GALNTL5: variants seen among roughly 807,000 people sequenced by gnomAD.
GALNTL5 encodes inactive polypeptide N-acetylgalactosaminyltransferase-like protein 5.
In GALNTL5, 44 loss-of-function variants were observed where a neutral mutation model predicts 51.0. The observed-to-expected ratio is 0.86, with a 90% CI of 0.68 to 1.11. GALNTL5 has a LOEUF of 1.11. Among genes scored for constraint, GALNTL5 ranks in the 50% least tolerant of loss-of-function variants. The probability of loss-of-function intolerance (pLI) is 0.00; values close to 1 mark genes in which losing one functional copy is unlikely to be tolerated. For missense variants in GALNTL5, 528 were observed against 531.8 expected (o/e 0.99, Z 0.07); for synonymous variants, 192 against 182.8 (o/e 1.05, Z -0.41).
intron 5 of GALNTL5, among the ~76,000 whole-genome samples, chr7:151,997,381 C>T (rs996256856): frequency 9.2e-5 from 14 of 152,188 alleles, no homozygotes; most frequent in African/African-American, 3.4e-4. Flanking sequence ...CCGTCCTTTC[C>T]TAGCACCAAA....
intron 8 of GALNTL5, among the ~76,000 whole-genome samples, chr7:152,017,642 G>C (rs2081836242): frequency 1.3e-5 from 2 of 152,090 alleles, no homozygotes; most frequent in South Asian, 4.2e-4. Context: ...CGAAGGAAAA[G>C]GGCAATGATC....
chr7:151,995,348 A>ATTTTTTTTTTTTTTTTTT (rs71198750), intron 5 of GALNTL5: 2 of 71,096 alleles, frequency 2.8e-5, no homozygotes, highest in African/African-American at 9.7e-5. Context: ...GTTGGTATGA[A>ATTTTTTTTTTTTTTTTTT]TTTTTTTTTT....
At chr7:151,992,444 G>A (rs1293613585) in intron 5 of GALNTL5, among the ~76,000 whole-genome samples, 1 of 152,140 alleles carries the variant, frequency 6.6e-6, no homozygotes, top group African/African-American at 2.4e-5. Context: ...AGACCTGCAG[G>A]GGAGGCTCCT....
chr7:152,002,055 G>C (rs547573643), intron 5 of GALNTL5, among the ~76,000 whole-genome samples: 2 of 152,032 alleles, frequency 1.3e-5, no homozygotes, highest in African/African-American at 4.8e-5. Flanking sequence ...TGAGGTGGGC[G>C]GATCACCTGA....
rs17557077 is a variant in GALNTL5, at chr7:152,012,152, C to G, written c.1027-2492C>G. Reference sequence around the variant, plus strand: ...TACCTCTGCATGCATGATGTGTGCTCACGATCCATTGGCCAAATGTGTCAA... The same window carrying G: ...TACCTCTGCATGCATGATGTGTGCTGACGATCCATTGGCCAAATGTGTCAA... On this transcript the variant is annotated intron_variant, in intron 7 of 8. Coordinates refer to ENST00000392800, the MANE Select transcript of GALNTL5 (RefSeq NM_145292.4). 6.1e-3 allele frequency among the ~76,000 whole-genome samples: 925 copies of G among 152,322 alleles called. 3 individuals carry two copies. Among genetic ancestry groups the G allele is most frequent in the Middle Eastern group, 0.014 (4 of 294 alleles).
Position 152,012,010 on chromosome 7 carries a change from C to T in GALNTL5, c.1027-2634C>T, listed in dbSNP as rs567195399. Among the ~76,000 whole-genome samples the T allele has an allele frequency of 2.6e-5, 4 of 152,344 alleles. No individual in the cohort carries two copies. In the East Asian group the frequency reaches 7.7e-4, roughly 29 times the overall value. ...ACAGGTTGTTGGGCTGGGCTCTAGT[C>T]TCTGAATTGGATTCAGATCTGATTA... On this transcript the variant is annotated intron_variant, in intron 7 of 8. Coordinates refer to ENST00000392800, the MANE Select transcript of GALNTL5 (RefSeq NM_145292.4).
Position 151,987,234 on chromosome 7 carries a change from G to T in GALNTL5, c.611G>T (p.Arg204Ile), listed in dbSNP as rs752592068. 1.2e-6 allele frequency: 2 copies of T among 1,600,642 alleles called. No individual in the cohort carries two copies. The highest frequency in any genetic ancestry group is 1.7e-6 in the Non-Finnish European group (2 of 1,175,752). The change falls in exon 5 of 9, where the codon AGA (arginine) becomes ATA (isoleucine). Residue 204 changes from arginine (R) to isoleucine (I), a missense_variant. By Grantham distance (97) the Arg-to-Ile change is moderately conservative (BLOSUM62 -3). Coordinates refer to ENST00000392800, the MANE Select transcript of GALNTL5 (RefSeq NM_145292.4). ...GTTAAAATAATAAGAAACAAAAAGAGAGAGGGGCTGATTCGAGCAAGGCTG... is the reference window on the plus strand; with the variant it reads ...GTTAAAATAATAAGAAACAAAAAGATAGAGGGGCTGATTCGAGCAAGGCTG... ...GKVKIIRNKK[R>I]EGLIRARLIG...
intron 4 of GALNTL5, 33 bp downstream of exon 4, chr7:151,983,185 T>C (rs776077983): frequency 3.0e-5 from 34 of 1,126,216 alleles, no homozygotes; most frequent in Middle Eastern, 2.5e-4. Context: ...TCATCTACTT[T>C]GTTGTTGTTG....
chr7:151,980,737 A>ATTTTTTTTTTTT lies in GALNTL5; in HGVS notation c.369-2234_369-2223dup, dbSNP rs61288964. Among the ~76,000 whole-genome samples the ATTTTTTTTTTTT allele has an allele frequency of 3.0e-5, 3 of 98,966 alleles. 1 individual carries two copies. The allele number at this position is 98,966 out of a possible 152,430, so 64.9% of individuals were successfully genotyped here. A position where few individuals can be genotyped will look rare whatever the true frequency, so the allele number is the denominator to read the frequency against. On this transcript the variant is annotated intron_variant, in intron 3 of 8. Coordinates refer to ENST00000392800, the MANE Select transcript of GALNTL5 (RefSeq NM_145292.4). ...CCGTGTGATTGCAGTGCTAACAATG[A>ATTTTTTTTTTTT]TTTTTTTTTTTTTTTTTTTTTTTTT...
Position 152,014,649 on chromosome 7 carries a change from G to T in GALNTL5, c.1032G>T (p.Trp344Cys). Reference protein sequence around the residue: ...RENLELSLRIWMCGGQLFIIP... With the variant: ...RENLELSLRICMCGGQLFIIP... ...TTTGTTCTTCTTATGCCTAGATCTG[G>T]ATGTGTGGAGGCCAACTCTTTATAA... The change falls in exon 8 of 9, where the codon TGG becomes TGT. Residue 344 changes from tryptophan to cysteine, a missense_variant. Transcript: ENST00000392800. 1 of 1,602,936 alleles carries T rather than the reference G, an allele frequency of 6.2e-7. No individual in the cohort carries two copies. Among genetic ancestry groups the T allele is most frequent in the Non-Finnish European group, 8.5e-7 (1 of 1,176,518 alleles).
At chr7:152,008,189 G>T (rs1178956180) in intron 7 of GALNTL5, among the ~76,000 whole-genome samples, 1 of 151,734 alleles carries the variant, frequency 6.6e-6, no homozygotes, top group South Asian at 2.1e-4. Flanking sequence ...TGAGGCAAGT[G>T]GATTGTTTGA....
chr7:151,968,704 G>A (rs943826369), intron 2 of GALNTL5, among the ~76,000 whole-genome samples: 1 of 152,224 alleles, frequency 6.6e-6, no homozygotes, highest in Non-Finnish European at 1.5e-5. Context: ...GTATTGGGAT[G>A]GCCAAACTGT....
intron 7 of GALNTL5, among the ~76,000 whole-genome samples, chr7:152,011,023 A>G (rs1372556454): frequency 6.6e-6 from 1 of 152,206 alleles, no homozygotes; most frequent in African/African-American, 2.4e-5. Context: ...TAAGGTAAGT[A>G]CCACCATTAT....
chr7:151,978,294 G>T (rs969253611), intron 3 of GALNTL5, among the ~76,000 whole-genome samples: 4 of 151,770 alleles, frequency 2.6e-5, no homozygotes, highest in Non-Finnish European at 5.9e-5. Context: ...TTTTTAATTG[G>T]ATTTGAACAA....
intron 3 of GALNTL5, among the ~76,000 whole-genome samples, chr7:151,972,340 T>C (rs1043829917): frequency 5.3e-5 from 8 of 152,184 alleles, no homozygotes; most frequent in Non-Finnish European, 8.8e-5. Flanking sequence ...AACTTTGAAC[T>C]TGAGGTTTGG....
At position 151,987,201 on chromosome 7, in the gene GALNTL5, G is replaced by A. The variant is rs767171250; in HGVS notation, c.578G>A (p.Arg193Gln). 1.3e-5 allele frequency: 21 copies of A among 1,595,658 alleles called. No individual in the cohort carries two copies. The highest frequency in any genetic ancestry group is 3.5e-5 in the South Asian group (3 of 86,134). Residue 193 changes from arginine (R) to glutamine (Q), a missense_variant, in exon 5 of 9, where the codon CGG (arginine) becomes CAG (glutamine). Transcript: ENST00000392800. ...CTAGACTATCACCTGGAAACTTTTC[G>A]GGGAAAGGTTAAAATAATAAGAAAC... ...EKLDYHLETFRGKVKIIRNKK... is the reference protein window; with the variant it reads ...EKLDYHLETFQGKVKIIRNKK...
At position 152,015,965 on chromosome 7, in the gene GALNTL5, C is replaced by T. The variant is rs191458279; in HGVS notation, c.1176+1172C>T. Among the ~76,000 whole-genome samples the T allele has an allele frequency of 4.3e-4, 65 of 152,208 alleles. 2 individuals are homozygous for T. The South Asian group carries it at 4.6e-3, about 11-fold the overall frequency. On this transcript the variant is annotated intron_variant, in intron 8 of 8. Transcript: ENST00000392800. ...TCTCTCTGACAGTGTATGTCCTGGT[C>T]TTCATCTTATGTTTCTCTAACTGAA... is the stretch of plus-strand genomic sequence containing the variant.
chr7:151,963,059 C>T (rs1401498648), intron 1 of GALNTL5, among the ~76,000 whole-genome samples: 1 of 152,176 alleles, frequency 6.6e-6, no homozygotes, highest in Non-Finnish European at 1.5e-5. Flanking sequence ...TAAATTTTGA[C>T]TAGATCAAGA....
intron 1 of GALNTL5, chr7:151,957,833 T>A (rs2080944192): frequency 6.6e-6 from 1 of 152,138 alleles, no homozygotes; most frequent in African/African-American, 2.4e-5. Flanking sequence ...ATGGTTTTCT[T>A]CTGAAGACAC....
Sources: gnomAD v4.1 joint callset for allele counts (sites outside exome capture counted in the v4.1 genomes callset) on GRCh38, gnomAD v4.1.1 for gene constraint, MANE v1.5 for transcripts, NCBI Gene and HGNC (gene_info 2026-07-23, HGNC 2026-07-21) for gene names.